Variants in ARFGEF3 observed in about 807,000 individuals in gnomAD.
ARFGEF3 encodes the protein brefeldin A-inhibited guanine nucleotide-exchange protein 3.
In ARFGEF3, 96 loss-of-function variants were observed where a neutral mutation model predicts 221.7. The observed-to-expected ratio is 0.43, with a 90% CI of 0.37 to 0.51. The LOEUF is 0.51. ARFGEF3 is among the 20% of genes least tolerant of loss of function. ARFGEF3 has a pLI of 0.00. For missense variants in ARFGEF3, 2,410 were observed against 2,789.9 expected, an observed-to-expected ratio of 0.86 and a Z score of 3.07; for synonymous variants, 1,145 against 1,126.8, an observed-to-expected ratio of 1.02 and a Z score of -0.32.
At chr6:138,327,941 C>A in intron 31 of ARFGEF3, 80 bp from the exon 32 acceptor site, 1 of 1,222,444 alleles carries the variant, frequency 8.2e-7, no homozygotes, top group Non-Finnish European at 1.1e-6. Flanking sequence ...CTCAACTTGC[C>A]CAGGGTCATC....
chr6:138,181,392 TAAC>T (rs1047225671), intron 2 of ARFGEF3, among the ~76,000 whole-genome samples: 5 of 152,198 alleles, frequency 3.3e-5, no homozygotes, highest in African/African-American at 4.8e-5. Context: ...CTGAAAAAAA[TAAC>T]AATCCAATTA....
intron 2 of ARFGEF3, among the ~76,000 whole-genome samples, chr6:138,173,882 A>G (rs1325693517): frequency 6.6e-6 from 1 of 152,174 alleles, no homozygotes; most frequent in Non-Finnish European, 1.5e-5. Flanking sequence ...AATTCAACTC[A>G]GAGTATTTCC....
At chr6:138,271,142 A>G (rs2114605205) in intron 12 of ARFGEF3, among the ~76,000 whole-genome samples, 1 of 152,340 alleles carries the variant, frequency 6.6e-6, no homozygotes, top group African/African-American at 2.4e-5. Context: ...GAGAATAAGT[A>G]GTCTAACAAA....
chr6:138,231,190 G>A (rs529194490), intron 5 of ARFGEF3, among the ~76,000 whole-genome samples: 6 of 152,260 alleles, frequency 3.9e-5, no homozygotes, highest in South Asian at 2.1e-4. Flanking sequence ...ACACCACCAA[G>A]TTCGGCACGA....
At chr6:138,294,401 T>C (rs1258786519) in intron 20 of ARFGEF3, among the ~76,000 whole-genome samples, 1 of 152,198 alleles carries the variant, frequency 6.6e-6, no homozygotes, top group Admixed American at 6.5e-5. Context: ...GTGCTTGTGG[T>C]AGAAATTGTG....
chr6:138,175,475 C>T (rs77120093), intron 2 of ARFGEF3, among the ~76,000 whole-genome samples: 6,143 of 152,220 alleles, frequency 0.04, 138 homozygotes, highest in Middle Eastern at 0.086. Context: ...ATCCCTACAC[C>T]GAAGAAGCCA....
chr6:138,296,841 C>T lies in ARFGEF3; in HGVS notation c.3534C>T (p.Ser1178=), dbSNP rs538751479. Reference sequence around the variant, plus strand: ...TTAAATCCACTCAAGACCGAAAAAGCGCCCTCCACCTGTTCCGCCTGGGGA... The same window carrying T: ...TTAAATCCACTCAAGACCGAAAAAGTGCCCTCCACCTGTTCCGCCTGGGGA... ...GEVKSTQDRK[S]ALHLFRLGNA... Residue 1178 remains serine (S), a synonymous_variant, in exon 21 of 34, where the codon AGC becomes AGT. Transcript: ENST00000251691. The T allele has an allele frequency of 6.3e-5, 102 of 1,613,924 alleles. 1 individual carries two copies. The East Asian group carries it at 2.0e-3, about 32-fold the overall frequency.
intron 22 of ARFGEF3, among the ~76,000 whole-genome samples, chr6:138,300,089 G>A (rs117083959): frequency 0.018 from 2,783 of 152,050 alleles, 38 homozygotes; most frequent in Middle Eastern, 0.031. Context: ...ACAAGGCAAC[G>A]GAGAGAACTG....
At chr6:138,250,664 A>G (rs935999279) in intron 8 of ARFGEF3, among the ~76,000 whole-genome samples, 2 of 152,234 alleles carry the variant, frequency 1.3e-5, no homozygotes, top group African/African-American at 4.8e-5. Context: ...TAGCCTTGCC[A>G]GGAGGGGTGG....
intron 2 of ARFGEF3, among the ~76,000 whole-genome samples, chr6:138,205,074 G>A (rs1272295048): frequency 6.6e-6 from 1 of 152,172 alleles, no homozygotes; most frequent in African/African-American, 2.4e-5. Flanking sequence ...ACTGCAGATG[G>A]CAGTAATCCA....
Position 138,313,867 on chromosome 6 carries a change from A to G in ARFGEF3, c.4273A>G (p.Arg1425Gly), listed in dbSNP as rs776318426. The G allele has an allele frequency of 1.9e-6, 3 of 1,613,890 alleles. No individual in the cohort carries two copies. Among genetic ancestry groups the G allele is most frequent in the African/African-American group, 2.7e-5 (2 of 74,934 alleles). The change falls in exon 26 of 34, where the codon AGA becomes GGA. Residue 1425 changes from arginine (R) to glycine (G), a missense_variant. Coordinates refer to ENST00000251691, the MANE Select transcript of ARFGEF3 (RefSeq NM_020340.5). ...LSGRLAGLPR[R>G]LQEQSASSED... The stretch of plus-strand genomic sequence containing the variant: ...TGGGAGACTTGCCGGCTTGCCTCGA[A>G]GACTTCAGGAACAGTCAGCCAGCAG...
intron 26 of ARFGEF3, among the ~76,000 whole-genome samples, chr6:138,314,668 C>T (rs148923284): frequency 0.011 from 1,626 of 152,284 alleles, 10 homozygotes; most frequent in Middle Eastern, 0.027. Flanking sequence ...TAGACATTCA[C>T]GTTCTAAAGG....
At chr6:138,229,690 TA>T in intron 4 of ARFGEF3, 93 bp from the exon 5 acceptor site, 1 of 950,718 alleles carries the variant, frequency 1.1e-6, no homozygotes, top group Non-Finnish European at 1.7e-6. Context: ...AAAGGAATCA[TA>T]AAAACAGGAC....
At chr6:138,309,721 G>A (rs1199474054) in intron 24 of ARFGEF3, among the ~76,000 whole-genome samples, 3 of 152,202 alleles carry the variant, frequency 2.0e-5, no homozygotes, top group South Asian at 2.1e-4. Flanking sequence ...GGGCACTGAT[G>A]GTGTAACTCT....
At chr6:138,208,786 G>A (rs939146990) in intron 3 of ARFGEF3, among the ~76,000 whole-genome samples, 5 of 152,164 alleles carry the variant, frequency 3.3e-5, no homozygotes, top group Non-Finnish European at 5.9e-5. Flanking sequence ...GTTAATATCA[G>A]ACCACTCTTG....
At chr6:138,212,904 C>A (rs1196426853) in intron 4 of ARFGEF3, among the ~76,000 whole-genome samples, 1 of 152,100 alleles carries the variant, frequency 6.6e-6, no homozygotes, top group South Asian at 2.1e-4. Context: ...GGAGAAATAA[C>A]TAATGTAAAT....
chr6:138,238,716 C>T (rs948324363), intron 6 of ARFGEF3, 85 bp downstream of exon 6: 3 of 1,328,342 alleles, frequency 2.3e-6, no homozygotes, highest in Middle Eastern at 2.6e-4. Context: ...GCCAGGGCTG[C>T]CTGCCTCCTG....
intron 24 of ARFGEF3, among the ~76,000 whole-genome samples, chr6:138,309,309 G>C (rs549360605): frequency 3.3e-5 from 5 of 151,974 alleles, no homozygotes; most frequent in Non-Finnish European, 7.4e-5. Context: ...ATCTCCTATT[G>C]CAGGTCATGT....
chr6:138,312,223 C>T (rs901277382), intron 25 of ARFGEF3, among the ~76,000 whole-genome samples: 2 of 152,110 alleles, frequency 1.3e-5, no homozygotes, highest in African/African-American at 2.4e-5. Flanking sequence ...CAGTGACCAT[C>T]GTTGGGTCCA....
Sources: allele counts gnomAD v4.1 joint callset (sites outside exome capture counted in the v4.1 genomes callset), GRCh38; gene constraint gnomAD v4.1.1; transcripts MANE v1.5; gene names NCBI Gene and HGNC (gene_info 2026-07-23, HGNC 2026-07-21).